IRAG1: variants seen among roughly 807,000 people sequenced by gnomAD.
IRAG1 encodes the protein inositol 1,4,5-triphosphate receptor associated 1.
Under a neutral mutation model 106.2 loss-of-function variants are expected in IRAG1, and 62 were observed. The observed-to-expected ratio is 0.58, with a 90% CI of 0.48 to 0.72. The LOEUF (loss-of-function observed/expected upper bound fraction) is 0.72, where lower values mean the gene tolerates loss of function less well. IRAG1 is among the 30% of genes least tolerant of loss of function. The pLI is 0.00. For synonymous variants in IRAG1, 462 were observed against 443.9 expected, an observed-to-expected ratio of 1.04 and a Z score of -0.51; for missense variants, 1,064 against 1,140.7, an observed-to-expected ratio of 0.93 and a Z score of 0.97.
At chr11:10,587,481 A>C (rs1190504517) in intron 18 of IRAG1, among the ~76,000 whole-genome samples, 1 of 152,082 alleles carries the variant, frequency 6.6e-6, no homozygotes, top group Non-Finnish European at 1.5e-5. Context: ...GGCGGGAGGG[A>C]GGAATTCACT....
chr11:10,597,429 G>A (rs905385511), intron 15 of IRAG1, among the ~76,000 whole-genome samples: 2 of 152,156 alleles, frequency 1.3e-5, no homozygotes, highest in South Asian at 2.1e-4. Flanking sequence ...GGGCTCAAGC[G>A]ATCCTCCCAC....
chr11:10,657,150 TAC>T lies in IRAG1; in HGVS notation c.68-4970_68-4969del, dbSNP rs1445112960. On this transcript the variant is annotated intron_variant, in intron 1 of 20. Transcript: ENST00000423302. The surrounding 1 kb of genome is among the most constrained non-coding windows in gnomAD (Gnocchi z 4.1). Reference sequence around the variant, plus strand: ...GGACGCACGGTTCAGGAACAGAATTTACAGAGACTATCTCTTTCAGTGCTGTC... The same window carrying T: ...GGACGCACGGTTCAGGAACAGAATTTAGAGACTATCTCTTTCAGTGCTGTC... Among the ~76,000 whole-genome samples, 1 of 152,148 alleles carries T rather than the reference TAC, an allele frequency of 6.6e-6. No individual in the cohort carries two copies. Among genetic ancestry groups the T allele is most frequent in the Non-Finnish European group, 1.5e-5 (1 of 68,014 alleles).
At chr11:10,582,030 T>G (rs769100193) in intron 18 of IRAG1, 44 bp from the exon 19 acceptor site, 1 of 1,575,988 alleles carries the variant, frequency 6.3e-7, no homozygotes, top group African/African-American at 1.4e-5. Flanking sequence ...CAGAAAAAGG[T>G]GGAGGCCTAA....
At chr11:10,580,255 T>G (rs1268004833) in intron 20 of IRAG1, among the ~76,000 whole-genome samples, 200 bp downstream of exon 20, 1 of 152,184 alleles carries the variant, frequency 6.6e-6, no homozygotes, top group Non-Finnish European at 1.5e-5. Flanking sequence ...AACTTCTCAT[T>G]GCTAGCTATC....
chr11:10,617,521 AT>A (rs1019700539), intron 10 of IRAG1, among the ~76,000 whole-genome samples: 1 of 152,184 alleles, frequency 6.6e-6, no homozygotes, highest in African/African-American at 2.4e-5. Context: ...TATGAAATGC[AT>A]TTTCTGGAGA....
chr11:10,593,879 GGAGACTGT>G, intron 16 of IRAG1: 1 of 573,346 alleles, frequency 1.7e-6, no homozygotes, highest in African/African-American at 1.9e-5. Context: ...GTAACACCCT[GGAGACTGT>G]ATTCAAGCTG....
At position 10,580,595 on chromosome 11, in the gene IRAG1, G is replaced by A; in HGVS notation, c.2361-6C>T. ...TCTTTAGACCTTCTTGGAATCTGGG[G>A]GGCAAAAAGGAACAGTTGAGTCTGG... is the stretch of plus-strand genomic sequence containing the variant. On this transcript the variant is annotated splice_polypyrimidine_tract_variant and splice_region_variant and intron_variant, in intron 19 of 20. Coordinates refer to ENST00000423302, the MANE Select transcript of IRAG1 (RefSeq NM_130385.4). 6.2e-7 allele frequency: 1 copy of A among 1,609,490 alleles called. No homozygotes were observed.
chr11:10,578,737 T>C (rs1344154778), intron 20 of IRAG1, among the ~76,000 whole-genome samples: 1 of 152,222 alleles, frequency 6.6e-6, no homozygotes, highest in Non-Finnish European at 1.5e-5. Flanking sequence ...TTACTTCCCC[T>C]GGGGTTTCAT....
intron 18 of IRAG1, among the ~76,000 whole-genome samples, chr11:10,584,450 C>T (rs1237020686): frequency 1.3e-5 from 2 of 151,304 alleles, no homozygotes; most frequent in African/African-American, 2.4e-5. Context: ...TCCATGTGAC[C>T]TTGGCCTAAT....
chr11:10,619,506 A>G (rs1184655255), intron 10 of IRAG1, among the ~76,000 whole-genome samples: 1 of 152,350 alleles, frequency 6.6e-6, no homozygotes. Context: ...ATAAGAAAAG[A>G]AAGTCACAAG....
At chr11:10,623,923 C>T in intron 9 of IRAG1, 67 bp from the exon 10 acceptor site, 2 of 1,457,738 alleles carry the variant, frequency 1.4e-6, no homozygotes, top group Non-Finnish European at 9.6e-7. Context: ...TCTCTTGGCT[C>T]TGTCTATGGT....
At position 10,647,741 on chromosome 11, in the gene IRAG1, G is replaced by A. The variant is rs1326403853; in HGVS notation, c.225+4284C>T. ...CAGTCCAGGAACTCATCTAGGCCTA[G>A]GTAAGATTGCATCTGGAGCCTGGGG... On this transcript the variant is annotated intron_variant, in intron 2 of 20. Transcript: ENST00000423302. The surrounding 1 kb of genome is among the most constrained non-coding windows in gnomAD (Gnocchi z 4.3). Among the ~76,000 whole-genome samples the A allele has an allele frequency of 6.6e-6, 1 of 152,160 alleles. No individual in the cohort carries two copies. Among genetic ancestry groups the A allele is most frequent in the Non-Finnish European group, 1.5e-5 (1 of 68,026 alleles).
intron 2 of IRAG1, among the ~76,000 whole-genome samples, chr11:10,634,831 T>A (rs1857023042): frequency 6.6e-6 from 1 of 152,042 alleles, no homozygotes; most frequent in Non-Finnish European, 1.5e-5. Context: ...TCACATTTTT[T>A]AATTCATCCA....
intron 3 of IRAG1, among the ~76,000 whole-genome samples, chr11:10,633,106 GC>G (rs1856834752): frequency 7.7e-6 from 1 of 130,054 alleles, no homozygotes; most frequent in Non-Finnish European, 1.5e-5. Context: ...ACGGAGTCTC[GC>G]ACTGTCGCCC....
intron 2 of IRAG1, among the ~76,000 whole-genome samples, chr11:10,643,289 G>C (rs568958718): frequency 1.1e-4 from 16 of 151,672 alleles, no homozygotes; most frequent in African/African-American, 3.4e-4. Flanking sequence ...GCTGAGTTCT[G>C]CTGGACATGG....
chr11:10,602,070 C>T (rs1854075665), intron 14 of IRAG1, among the ~76,000 whole-genome samples: 1 of 152,216 alleles, frequency 6.6e-6, no homozygotes, highest in South Asian at 2.1e-4. Context: ...GAACAGGTCC[C>T]ACAGTCATGC....
rs557269456 is a variant in IRAG1, at chr11:10,634,251, T to C, written c.226-180A>G. Among the ~76,000 whole-genome samples, 3 of 152,356 alleles carry C rather than the reference T, an allele frequency of 2.0e-5. No individual in the cohort carries two copies. In the South Asian group the frequency reaches 6.2e-4, roughly 32 times the overall value. ...GTATAGTTGACAAATAAACATTGTA[T>C]ATATTCAAGGCACACAATGCGATGT... On this transcript the variant is annotated intron_variant, in intron 2 of 20. Transcript: ENST00000423302.
chr11:10,684,786 T>G (rs1414895410), intron 1 of IRAG1, among the ~76,000 whole-genome samples: 2 of 152,144 alleles, frequency 1.3e-5, no homozygotes, highest in Non-Finnish European at 2.9e-5. Flanking sequence ...TTCTCTTAAG[T>G]TAGCCAACAT....
At chr11:10,625,084 A>T (rs16908093) in intron 9 of IRAG1, among the ~76,000 whole-genome samples, 10,942 of 152,216 alleles carry the variant, frequency 0.072, 1,005 homozygotes, top group African/African-American at 0.22. Flanking sequence ...TCATGAAGGT[A>T]TCTGAATAGG....
Sources: allele counts gnomAD v4.1 joint callset (sites outside exome capture counted in the v4.1 genomes callset), GRCh38; gene constraint gnomAD v4.1.1; non-coding constraint Gnocchi (gnomAD v3.1); transcripts MANE v1.5; gene names NCBI Gene and HGNC (gene_info 2026-07-23, HGNC 2026-07-21).